Variants in NASP observed in about 807,000 individuals in gnomAD.
NASP encodes the protein NASP histone chaperone.
In NASP, 24 loss-of-function variants were observed where a neutral mutation model predicts 89.5. That is an observed-to-expected ratio of 0.27 (90% CI 0.19 to 0.38). The LOEUF is 0.38. Among genes scored for constraint, NASP ranks in the 10% least tolerant of loss-of-function variants. The probability of loss-of-function intolerance (pLI) is 1.00; values close to 1 mark genes in which losing one functional copy is unlikely to be tolerated. For synonymous variants in NASP, 306 were observed against 324.7 expected (o/e 0.94, Z 0.62); for missense variants, 848 against 921.4 (o/e 0.92, Z 1.03).
intron 2 of NASP, among the ~76,000 whole-genome samples, chr1:45,593,995 C>T (rs1643621861): frequency 6.6e-6 from 1 of 151,442 alleles, no homozygotes; most frequent in African/African-American, 2.4e-5. Flanking sequence ...TGCCACTGCA[C>T]TCTAGTCTGG....
rs778352560 is a variant in NASP at position 45,604,910 on chromosome 1, A to G, written c.219-26A>G. Reference sequence around the variant, plus strand: ...TGTTTTAGATTAGATGGTAATTCAGATTTTAGATGTTTATTCTCTTTGTAG... The same window carrying G: ...TGTTTTAGATTAGATGGTAATTCAGGTTTTAGATGTTTATTCTCTTTGTAG... On this transcript the variant is annotated intron_variant, in intron 3 of 14. Transcript: ENST00000350030. 4 of 1,515,022 alleles carry G rather than the reference A, an allele frequency of 2.6e-6. No individual in the cohort carries two copies. In the Admixed American group the frequency reaches 5.3e-5, roughly 20 times the overall value. The allele number at this position is 1,515,022 out of a possible 1,614,324, so 93.8% of individuals were successfully genotyped here.
chr1:45,584,628 A>T (rs1391299112), intron 1 of NASP, among the ~76,000 whole-genome samples: 1 of 151,910 alleles, frequency 6.6e-6, no homozygotes, highest in Non-Finnish European at 1.5e-5. Context: ...ATTTGGCGCC[A>T]AAAGGGAAAA....
At chr1:45,607,282 C>G in intron 5 of NASP, 39 bp from the exon 6 acceptor site, 2 of 1,588,414 alleles carry the variant, frequency 1.3e-6, no homozygotes, top group Non-Finnish European at 1.7e-6. Flanking sequence ...TCATTAAACT[C>G]GAAGACATGT....
chr1:45,614,300 A>T lies in NASP; in HGVS notation c.1600A>T (p.Thr534Ser), dbSNP rs1644065315. Residue 534 changes from threonine to serine, a missense_variant, in exon 9 of 15, where the codon ACA becomes TCA. Thr to Ser is a moderately conservative substitution (Grantham distance 58). Coordinates refer to ENST00000350030, the MANE Select transcript of NASP (RefSeq NM_002482.4). ...LAKIIFKRQE[T>S]KEAQLYAAQA... ...CAATTTTCCTTCTTTTAGGCAAGAA[A>T]CAAAAGAAGCACAGCTTTATGCTGC... The T allele has an allele frequency of 6.2e-7, 1 of 1,613,674 alleles. No individual in the cohort carries two copies. The highest frequency in any genetic ancestry group is 1.7e-5 in the Admixed American group (1 of 59,980).
At chr1:45,585,377 CTTTG>C (rs768917969) in intron 1 of NASP, among the ~76,000 whole-genome samples, 82 of 152,110 alleles carry the variant, frequency 5.4e-4, no homozygotes, top group African/African-American at 1.6e-3. Flanking sequence ...ATGATTATGT[CTTTG>C]TTTGTTTATA....
intron 13 of NASP, 58 bp downstream of exon 13, chr1:45,616,761 C>T: frequency 6.8e-7 from 1 of 1,477,670 alleles, no homozygotes; most frequent in Non-Finnish European, 9.5e-7. Flanking sequence ...TTTTTAATCC[C>T]TTTCCTATAA....
intron 1 of NASP, among the ~76,000 whole-genome samples, chr1:45,590,682 CTTTTTTT>C (rs386366869): frequency 3.9e-4 from 42 of 107,202 alleles, no homozygotes; most frequent in Middle Eastern, 0.014. Context: ...CATAGTGTAA[CTTTTTTT>C]TTTTTTTTTT....
rs1570941077 is a variant in NASP, at chr1:45,586,298, T to TGTGTGTGTGTG, written c.59+2105_59+2115dup. Among the ~76,000 whole-genome samples the TGTGTGTGTGTG allele has an allele frequency of 1.3e-3, 129 of 96,638 alleles. 1 individual carries two copies. The highest frequency in any genetic ancestry group is 3.6e-3 in the African/African-American group (83 of 23,144). 63.4% of individuals were successfully genotyped at this position (96,638 alleles called of 152,430 possible). On this transcript the variant is annotated intron_variant, in intron 1 of 14. Coordinates refer to ENST00000350030, the MANE Select transcript of NASP (RefSeq NM_002482.4). ...TGTGTGTGTGTGGTGTGTGTGTGTG[T>TGTGTGTGTGTG]GTGTGTGTGTGGTGTGTGTGTGTGT...
intron 2 of NASP, 111 bp downstream of exon 2, chr1:45,591,381 G>C: frequency 2.6e-6 from 2 of 754,902 alleles, no homozygotes; most frequent in South Asian, 3.8e-5. Context: ...TAGAGGCAAG[G>C]TGTCGCTTTG....
At chr1:45,599,615 A>AG (rs1353775317) in intron 2 of NASP, among the ~76,000 whole-genome samples, 2 of 150,998 alleles carry the variant, frequency 1.3e-5, no homozygotes, top group South Asian at 2.1e-4. Context: ...TTCAGAAGAG[A>AG]GGGGGGTTTC....
rs79196747 is a variant in NASP, at chr1:45,617,494, A to G, written c.2189A>G (p.Asp730Gly). Residue 730 changes from aspartate (D) to glycine (G), a missense_variant, in exon 14 of 15, where the codon GAT becomes GGT. Transcript: ENST00000350030. Reference protein sequence around the residue: ...RKPEEESPRKDDAKKAKQEPE... With the variant: ...RKPEEESPRKGDAKKAKQEPE... ...CCAGAGGAAGAGAGTCCCCGGAAAG[A>G]TGATGCAAAGAAAGCCAAACAAGAG... 6.9e-5 allele frequency: 111 copies of G among 1,613,794 alleles called. No homozygotes were observed. The African/African-American group carries it at 1.3e-3, about 19-fold the overall frequency.
Position 45,596,771 on chromosome 1 carries a change from C to A in NASP, c.108-5484C>A, listed in dbSNP as rs74989695. ...CTTTGGGAGGCTGAGGCGAGAGAAT[C>A]AGGAGTTCGAGACCAGTTTGGCAAA... On this transcript the variant is annotated intron_variant, in intron 2 of 14. Transcript: ENST00000350030. Among the ~76,000 whole-genome samples the A allele has an allele frequency of 6.8e-3, 1,039 of 151,690 alleles. 12 individuals are homozygous for A. Among genetic ancestry groups the A allele is most frequent in the African/African-American group, 0.024 (1,000 of 41,364 alleles).
chr1:45,602,793 G>C (rs1227232052), intron 3 of NASP, among the ~76,000 whole-genome samples: 1 of 152,136 alleles, frequency 6.6e-6, no homozygotes, highest in African/African-American at 2.4e-5. Context: ...GCTAATTTTT[G>C]TATTTCTTTT....
In NASP at chr1:45,617,521, C is replaced by G; in HGVS notation, c.2216C>G (p.Pro739Arg). 6.2e-6 allele frequency: 10 copies of G among 1,611,420 alleles called. No individual in the cohort carries two copies. Among genetic ancestry groups the G allele is most frequent in the Non-Finnish European group, 7.6e-6 (9 of 1,179,164 alleles). The change falls in exon 14 of 15, where the codon CCG (proline) becomes CGG (arginine). Residue 739 changes from proline to arginine, a missense_variant. Coordinates refer to ENST00000350030, the MANE Select transcript of NASP (RefSeq NM_002482.4). Reference sequence around the variant, plus strand: ...GATGCAAAGAAAGCCAAACAAGAGCCGGAGGTGAACGGAGGCAGTGGGGAT... The same window carrying G: ...GATGCAAAGAAAGCCAAACAAGAGCGGGAGGTGAACGGAGGCAGTGGGGAT... Reference protein sequence around the residue: ...KDDAKKAKQEPEVNGGSGDAV... With the variant: ...KDDAKKAKQEREVNGGSGDAV...
chr1:45,586,286 T>TGTGTGTGTGTG (rs1644544146), intron 1 of NASP, among the ~76,000 whole-genome samples: 8 of 88,334 alleles, frequency 9.1e-5, no homozygotes, highest in African/African-American at 2.7e-4. Context: ...GTGTGTGTGG[T>TGTGTGTGTGTG]GTGTGTGTGT....
chr1:45,610,133 A>G (rs1349528980), intron 6 of NASP: 1 of 152,176 alleles, frequency 6.6e-6, no homozygotes, highest in African/African-American at 2.4e-5. Flanking sequence ...CGGGAGGCAG[A>G]GGTTGCAGTG....
At chr1:45,615,926 G>C (rs558530575) in intron 11 of NASP, among the ~76,000 whole-genome samples, 1 of 152,144 alleles carries the variant, frequency 6.6e-6, no homozygotes, top group African/African-American at 2.4e-5. Context: ...TGGGATGCCC[G>C]ACCTGTAGTA....
rs563139457 is a variant in NASP, at chr1:45,613,530, G to A, written c.1506+282G>A. Among the ~76,000 whole-genome samples the A allele has an allele frequency of 1.2e-4, 18 of 152,228 alleles. No individual in the cohort carries two copies. The East Asian group carries it at 1.7e-3, about 15-fold the overall frequency. On this transcript the variant is annotated intron_variant, in intron 7 of 14. Transcript: ENST00000350030. ...TAGAATCTCTGTCTCTGCCCAGGCC[G>A]GAGTGCACTGGCATGATCAGGGCTC...
chr1:45,586,282 G>GTC lies in NASP; in HGVS notation c.59+2078_59+2079insCT, dbSNP rs1644542089. Among the ~76,000 whole-genome samples, 3 of 39,906 alleles carry GTC rather than the reference G, an allele frequency of 7.5e-5. No individual in the cohort carries two copies. In the East Asian group the frequency reaches 1.9e-3, roughly 25 times the overall value. The allele number at this position is 39,906 out of a possible 152,430, so 26.2% of individuals were successfully genotyped here. A position where few individuals can be genotyped will look rare whatever the true frequency, so the allele number is the denominator to read the frequency against. On this transcript the variant is annotated intron_variant, in intron 1 of 14. Transcript: ENST00000350030. ...TGTGTGTGTGTGTGTGTGTGTGTGT[G>GTC]TGGTGTGTGTGTGTGTGTGTGTGTG...
Sources: allele counts gnomAD v4.1 joint callset (sites outside exome capture counted in the v4.1 genomes callset), GRCh38; gene constraint gnomAD v4.1.1; transcripts MANE v1.5; gene names NCBI Gene and HGNC (gene_info 2026-07-23, HGNC 2026-07-21).